ARHGAP24: variants seen among roughly 807,000 people sequenced by gnomAD.
ARHGAP24 encodes the protein Rho GTPase activating protein 24, also known as rho GTPase-activating protein 24.
In ARHGAP24, 50 loss-of-function variants were observed where a neutral mutation model predicts 76.4. The observed-to-expected ratio is 0.65, with a 90% CI of 0.52 to 0.83. The LOEUF (loss-of-function observed/expected upper bound fraction) is 0.83. ARHGAP24 is among the 40% of genes least tolerant of loss of function. The pLI, the probability that ARHGAP24 is intolerant of heterozygous loss-of-function variation, is 0.00. For missense variants in ARHGAP24, 930 were observed against 914.2 expected, an observed-to-expected ratio of 1.02 and a Z score of -0.22; for synonymous variants, 345 against 323.3, an observed-to-expected ratio of 1.07 and a Z score of -0.72.
intron 3 of ARHGAP24, among the ~76,000 whole-genome samples, chr4:85,845,486 T>A (rs184225862): frequency 6.6e-6 from 1 of 152,198 alleles, no homozygotes; most frequent in Non-Finnish European, 1.5e-5. Flanking sequence ...AATGTATATA[T>A]TAATATAAAT....
In ARHGAP24 at chr4:85,651,046, G is replaced by T. The variant is rs1321393400; in HGVS notation, c.181-70839G>T. 6.2e-5 allele frequency among the ~76,000 whole-genome samples: 2 copies of T among 32,096 alleles called. 1 individual carries two copies. The highest frequency in any genetic ancestry group is 4.5e-4 in the African/African-American group (2 of 4,440). The allele number at this position is 32,096 out of a possible 152,430, so 21.1% of individuals were successfully genotyped here. ...TAAGCAGAAGTTGGCCTTGAAGAAA[G>T]GTCTGCATGGGAAAAATATTCCAGG... On this transcript the variant is annotated intron_variant, in intron 2 of 9. Coordinates refer to ENST00000395184, the MANE Select transcript of ARHGAP24 (RefSeq NM_001025616.3).
rs529460849 is a variant in ARHGAP24, at chr4:85,935,355, C to T, written c.392-6711C>T. Among the ~76,000 whole-genome samples, 4 of 152,292 alleles carry T rather than the reference C, an allele frequency of 2.6e-5. No individual in the cohort carries two copies. The South Asian group carries it at 8.3e-4, about 32-fold the overall frequency. On this transcript the variant is annotated intron_variant, in intron 4 of 9. Coordinates refer to ENST00000395184, the MANE Select transcript of ARHGAP24 (RefSeq NM_001025616.3). ...ATAAATAAGTACTTTGTGATAAGCA[C>T]CACACCAAATTATCTATTAAGTTGT... is the stretch of plus-strand genomic sequence containing the variant.
intron 5 of ARHGAP24, among the ~76,000 whole-genome samples, chr4:85,949,033 T>G (rs1737449561): frequency 6.6e-6 from 1 of 152,204 alleles, no homozygotes; most frequent in Non-Finnish European, 1.5e-5. Flanking sequence ...CCTGAAAACC[T>G]CCTTAGCTAG....
intron 8 of ARHGAP24, among the ~76,000 whole-genome samples, chr4:85,987,539 G>T (rs946955973): frequency 5.9e-5 from 9 of 151,788 alleles, no homozygotes; most frequent in African/African-American, 2.2e-4. Flanking sequence ...AGCAGACAAG[G>T]ATATTATTAT....
chr4:85,629,053 T>A (rs1377579177), intron 2 of ARHGAP24, among the ~76,000 whole-genome samples: 4 of 152,216 alleles, frequency 2.6e-5, no homozygotes, highest in Admixed American at 6.5e-5. Context: ...TCTTGCTGAC[T>A]TCCTTTGTGA....
At chr4:85,779,367 A>G (rs1018812770) in intron 3 of ARHGAP24, among the ~76,000 whole-genome samples, 1 of 152,132 alleles carries the variant, frequency 6.6e-6, no homozygotes, top group Admixed American at 6.5e-5. Flanking sequence ...TTCAACTTGA[A>G]ATATAGAACT....
chr4:85,815,790 G>C (rs1729211880), intron 3 of ARHGAP24, among the ~76,000 whole-genome samples: 1 of 152,110 alleles, frequency 6.6e-6, no homozygotes, highest in South Asian at 2.1e-4. Context: ...CCACTCTACT[G>C]TTACCAGTTT....
At chr4:85,635,556 C>G (rs2109966177) in intron 2 of ARHGAP24, among the ~76,000 whole-genome samples, 1 of 151,902 alleles carries the variant, frequency 6.6e-6, no homozygotes, top group African/African-American at 2.4e-5. Flanking sequence ...TTTTTCTTAA[C>G]TTATTCTCCT....
At chr4:85,510,799 C>T (rs971459649) in intron 1 of ARHGAP24, among the ~76,000 whole-genome samples, 1 of 133,004 alleles carries the variant, frequency 7.5e-6, no homozygotes, top group African/African-American at 2.8e-5. Context: ...TAGCCCCTCC[C>T]CTTCCTCCTC....
chr4:85,802,042 A>G (rs1728600086), intron 3 of ARHGAP24, among the ~76,000 whole-genome samples: 2 of 152,262 alleles, frequency 1.3e-5, no homozygotes, highest in South Asian at 4.1e-4. Context: ...AGTTTTTAAT[A>G]ATTCAACTAA....
chr4:85,828,691 A>G (rs972903189), intron 3 of ARHGAP24, among the ~76,000 whole-genome samples: 2 of 152,224 alleles, frequency 1.3e-5, no homozygotes, highest in Non-Finnish European at 2.9e-5. Context: ...TTGTAGAAGT[A>G]CATGGGAACG....
chr4:85,513,786 G>T (rs1241946458), intron 1 of ARHGAP24, among the ~76,000 whole-genome samples: 1 of 152,052 alleles, frequency 6.6e-6, no homozygotes, highest in Non-Finnish European at 1.5e-5. Context: ...GTTTCTCTTT[G>T]ATTTCTTTTT....
At chr4:85,597,314 A>G (rs564492165) in intron 2 of ARHGAP24, among the ~76,000 whole-genome samples, 1 of 152,084 alleles carries the variant, frequency 6.6e-6, no homozygotes. Flanking sequence ...TTTCCATCAA[A>G]TATCACCCAC....
chr4:85,532,042 T>A (rs1337168472), intron 1 of ARHGAP24, among the ~76,000 whole-genome samples: 2 of 152,100 alleles, frequency 1.3e-5, no homozygotes, highest in Non-Finnish European at 2.9e-5. Flanking sequence ...CAAACAAATA[T>A]AAAGCAAAGC....
rs1011378119 is a variant in ARHGAP24, at chr4:85,523,354, A to C, written c.-20-47168A>C. Among the ~76,000 whole-genome samples the C allele has an allele frequency of 9.2e-5, 14 of 152,270 alleles. No individual in the cohort carries two copies. In the East Asian group the frequency reaches 2.3e-3, roughly 25 times the overall value. ...CTATTTTAAAGAGTAACTTGCAGTTATAGCTTGCAAACATCTATGACTCAG... is the reference window on the plus strand; with the variant it reads ...CTATTTTAAAGAGTAACTTGCAGTTCTAGCTTGCAAACATCTATGACTCAG... On this transcript the variant is annotated intron_variant, in intron 1 of 9. Transcript: ENST00000395184.
intron 3 of ARHGAP24, among the ~76,000 whole-genome samples, chr4:85,882,421 A>C (rs981451524): frequency 6.6e-6 from 1 of 152,108 alleles, no homozygotes; most frequent in Admixed American, 6.6e-5. Flanking sequence ...GAAAAAGTTC[A>C]TTCTAGAACC....
intron 2 of ARHGAP24, among the ~76,000 whole-genome samples, chr4:85,606,681 G>A (rs1720206455): frequency 6.6e-6 from 1 of 152,110 alleles, no homozygotes; most frequent in African/African-American, 2.4e-5. Flanking sequence ...CAAATATTGG[G>A]TAAGTATGAA....
intron 2 of ARHGAP24, among the ~76,000 whole-genome samples, chr4:85,653,971 TTAA>T (rs771608389): frequency 6.6e-5 from 10 of 151,786 alleles, no homozygotes; most frequent in Non-Finnish European, 1.5e-4. Flanking sequence ...CCTTATATTA[TTAA>T]TAATTATTAT....
chr4:85,597,897 G>C (rs1424353002), intron 2 of ARHGAP24, among the ~76,000 whole-genome samples: 1 of 152,062 alleles, frequency 6.6e-6, no homozygotes, highest in Admixed American at 6.6e-5. Context: ...AAATTTCCCA[G>C]TTAAAATATC....
Sources: allele counts gnomAD v4.1 joint callset (sites outside exome capture counted in the v4.1 genomes callset), GRCh38; gene constraint gnomAD v4.1.1; transcripts MANE v1.5; gene names NCBI Gene and HGNC (gene_info 2026-07-23, HGNC 2026-07-21).